ACTR3: variants seen among roughly 807,000 people sequenced by gnomAD.
ACTR3 encodes the protein actin-related protein 3.
A neutral mutation model predicts 56.8 loss-of-function variants in ACTR3; 12 were observed. The observed-to-expected ratio is 0.21, with a 90% CI of 0.14 to 0.34. The LOEUF is 0.34. Among genes scored for constraint, ACTR3 ranks in the 10% least tolerant of loss-of-function variants. The probability of loss-of-function intolerance (pLI) is 1.00; values close to 1 mark genes in which losing one functional copy is unlikely to be tolerated. For missense variants in ACTR3, 282 were observed against 512.5 expected (o/e 0.55, Z 4.34); for synonymous variants, 162 against 167.4 (o/e 0.97, Z 0.25).
chr2:113,927,564 A>C (rs1679644804), intron 4 of ACTR3, 109 bp downstream of exon 4: 3 of 673,714 alleles, frequency 4.5e-6, no homozygotes, highest in Non-Finnish European at 7.4e-6. Context: ...TCATATGTCT[A>C]AATGACTTTG....
chr2:113,959,068 T>G lies in ACTR3; in HGVS notation c.*1613T>G, dbSNP rs374084682. 4.6e-5 allele frequency: 7 copies of G among 152,152 alleles called. No homozygotes were observed. In the East Asian group the frequency reaches 9.6e-4, roughly 21 times the overall value. The allele number at this position is 152,152 out of a possible 1,614,324, so 9.4% of individuals were successfully genotyped here. ...GTATCAAAGGTCTCCTTTTTTTACT[T>G]GGAAAAGTAATTCACAAACATTATA... On this transcript the variant is annotated 3_prime_UTR_variant, in exon 12 of 12. Coordinates refer to ENST00000263238, the MANE Select transcript of ACTR3 (RefSeq NM_005721.5).
chr2:113,962,479 T>A lies in ACTR3; in HGVS notation c.*5024T>A, dbSNP rs955052814. 1 of 152,042 alleles carries A rather than the reference T, an allele frequency of 6.6e-6. No individual in the cohort carries two copies. The highest frequency in any genetic ancestry group is 1.5e-5 in the Non-Finnish European group (1 of 67,928). The allele number at this position is 152,042 out of a possible 1,614,324, so 9.4% of individuals were successfully genotyped here. On this transcript the variant is annotated 3_prime_UTR_variant, in exon 12 of 12. Coordinates refer to ENST00000263238, the MANE Select transcript of ACTR3 (RefSeq NM_005721.5). ...ATGACTTAATTCTAAACTTCCTCCA[T>A]TTTTAATTAATAAGATTCAAGGTTG...
In ACTR3 at chr2:113,960,299, C is replaced by T. The variant is rs1159217745; in HGVS notation, c.*2844C>T. On this transcript the variant is annotated 3_prime_UTR_variant, in exon 12 of 12. Coordinates refer to ENST00000263238, the MANE Select transcript of ACTR3 (RefSeq NM_005721.5). ...AAGTACTCATCCTCTTCTTACCTATCTTCTTTTCTATAGGAGATAAAGTGG... is the reference window on the plus strand; with the variant it reads ...AAGTACTCATCCTCTTCTTACCTATTTTCTTTTCTATAGGAGATAAAGTGG... 5 of 151,984 alleles carry T rather than the reference C, an allele frequency of 3.3e-5. No individual in the cohort carries two copies. The highest frequency in any genetic ancestry group is 7.4e-5 in the Non-Finnish European group (5 of 67,910). 9.4% of individuals were successfully genotyped at this position (151,984 alleles called of 1,614,324 possible).
At position 113,960,736 on chromosome 2, in the gene ACTR3, C is replaced by G. The variant is rs929773655; in HGVS notation, c.*3281C>G. 1 of 151,924 alleles carries G rather than the reference C, an allele frequency of 6.6e-6. No homozygotes were observed. The highest frequency in any genetic ancestry group is 1.5e-5 in the Non-Finnish European group (1 of 67,892). 9.4% of individuals were successfully genotyped at this position (151,924 alleles called of 1,614,324 possible). The stretch of plus-strand genomic sequence containing the variant: ...TCTGATCTTTCGTAGTTCATAGTCA[C>G]CAGGCATGAGTACCTTGGATAGCCC... On this transcript the variant is annotated 3_prime_UTR_variant, in exon 12 of 12. Transcript: ENST00000263238.
intron 3 of ACTR3, among the ~76,000 whole-genome samples, chr2:113,924,487 C>G (rs867138212): frequency 6.6e-6 from 1 of 152,084 alleles, no homozygotes; most frequent in African/African-American, 2.4e-5. Flanking sequence ...TGAGCTTTCC[C>G]AATGCTGCTA....
intron 3 of ACTR3, among the ~76,000 whole-genome samples, chr2:113,924,018 A>G (rs1279401314): frequency 6.6e-6 from 1 of 150,946 alleles, no homozygotes; most frequent in Non-Finnish European, 1.5e-5. Flanking sequence ...CTAACTTCAA[A>G]GCTGGAAACC....
chr2:113,949,087 CTG>C (rs1471096795), intron 8 of ACTR3, among the ~76,000 whole-genome samples: 1 of 121,366 alleles, frequency 8.2e-6, no homozygotes, highest in Non-Finnish European at 1.6e-5. Flanking sequence ...ATCTTAAAAA[CTG>C]GAAAAAGGCA....
At chr2:113,931,426 T>G in intron 5 of ACTR3, 30 bp downstream of exon 5, 4 of 1,444,870 alleles carry the variant, frequency 2.8e-6, no homozygotes, top group Non-Finnish European at 2.8e-6. Context: ...CTAAGTTTGA[T>G]TCTTACATTT....
At chr2:113,917,803 GGAAGACATT>G (rs762567283) in intron 3 of ACTR3, among the ~76,000 whole-genome samples, 11 of 152,178 alleles carry the variant, frequency 7.2e-5, no homozygotes, top group Non-Finnish European at 1.5e-4. Flanking sequence ...GTGGTGGAAA[GGAAGACATT>G]GAAGAAATAA....
At chr2:113,933,433 A>G (rs1353018397) in intron 5 of ACTR3, among the ~76,000 whole-genome samples, 2 of 152,082 alleles carry the variant, frequency 1.3e-5, no homozygotes, top group Admixed American at 1.3e-4. Context: ...GCTTGAACCC[A>G]AGAGGCGGAG....
chr2:113,928,494 A>C (rs1385036334), intron 4 of ACTR3, among the ~76,000 whole-genome samples: 1 of 151,932 alleles, frequency 6.6e-6, no homozygotes, highest in Non-Finnish European at 1.5e-5. Flanking sequence ...GGTCTGCACC[A>C]TTCAGTGGAT....
intron 1 of ACTR3, among the ~76,000 whole-genome samples, chr2:113,906,753 C>G (rs968648302): frequency 2.8e-4 from 42 of 152,176 alleles, no homozygotes; most frequent in African/African-American, 9.9e-4. Context: ...GTTATGGCAT[C>G]CTTGTTAAAA....
At chr2:113,897,379 C>T (rs776917695) in intron 1 of ACTR3, among the ~76,000 whole-genome samples, 7 of 151,780 alleles carry the variant, frequency 4.6e-5, no homozygotes, top group Non-Finnish European at 8.8e-5. Context: ...TTTTAAAGGA[C>T]GATTTTGCAG....
chr2:113,949,377 C>CAAAAAAAAAA (rs1167037648), intron 8 of ACTR3, among the ~76,000 whole-genome samples: 1 of 57,710 alleles, frequency 1.7e-5, no homozygotes, highest in Admixed American at 2.0e-4. Context: ...GACTCGGTCT[C>CAAAAAAAAAA]AAAAAAAAAA....
chr2:113,897,713 G>T (rs1320915384), intron 1 of ACTR3, among the ~76,000 whole-genome samples: 1 of 151,710 alleles, frequency 6.6e-6, no homozygotes, highest in African/African-American at 2.4e-5. Context: ...TTTTAGTAGA[G>T]ACCGGGTTTC....
chr2:113,917,425 A>G (rs534418713), intron 3 of ACTR3, among the ~76,000 whole-genome samples: 1 of 150,718 alleles, frequency 6.6e-6, no homozygotes, highest in South Asian at 2.1e-4. Flanking sequence ...TTTCTTTTCT[A>G]CCCTTTTCCC....
At chr2:113,915,456 C>T (rs548153044) in intron 2 of ACTR3, among the ~76,000 whole-genome samples, 9 of 152,282 alleles carry the variant, frequency 5.9e-5, no homozygotes, top group African/African-American at 1.9e-4. Context: ...TGTGAAGACC[C>T]TATTTCCAAA....
chr2:113,893,162 C>T (rs1238364337), intron 1 of ACTR3, among the ~76,000 whole-genome samples: 2 of 151,424 alleles, frequency 1.3e-5, no homozygotes, highest in Non-Finnish European at 2.9e-5. Flanking sequence ...AAAGCATTTT[C>T]TTTAAAAGGC....
At chr2:113,910,038 C>T (rs1037118875) in intron 1 of ACTR3, among the ~76,000 whole-genome samples, 2 of 150,622 alleles carry the variant, frequency 1.3e-5, no homozygotes, top group East Asian at 3.9e-4. Flanking sequence ...TCCAAAGTGA[C>T]GTCTGTTTGA....
Sources: gnomAD v4.1 joint callset for allele counts (sites outside exome capture counted in the v4.1 genomes callset) on GRCh38, gnomAD v4.1.1 for gene constraint, MANE v1.5 for transcripts, NCBI Gene and HGNC (gene_info 2026-07-23, HGNC 2026-07-21) for gene names.